PTPRD: variants seen among roughly 807,000 people sequenced by gnomAD.
PTPRD encodes the protein receptor-type tyrosine-protein phosphatase delta.
A neutral mutation model predicts 214.5 loss-of-function variants in PTPRD; 34 were observed. The ratio of observed to expected loss-of-function variants is 0.16; its 90% CI spans 0.12 to 0.21. The LOEUF (loss-of-function observed/expected upper bound fraction) is 0.21, where lower values mean the gene tolerates loss of function less well. PTPRD is among the 10% of genes least tolerant of loss of function. The pLI is 1.00. For synonymous variants in PTPRD, 1,128 were observed against 845.7 expected (o/e 1.33, Z -5.79); for missense variants, 2,545 against 2,398.7 (o/e 1.06, Z -1.27).
chr9:10,152,485 A>T (rs937343048), intron 3 of PTPRD, among the ~76,000 whole-genome samples: 1 of 152,148 alleles, frequency 6.6e-6, no homozygotes, highest in Non-Finnish European at 1.5e-5. Context: ...AACGTCTTTG[A>T]AAAATTTTGC....
At chr9:8,675,699 C>T (rs968628107) in intron 12 of PTPRD, among the ~76,000 whole-genome samples, 2 of 152,090 alleles carry the variant, frequency 1.3e-5, no homozygotes, top group African/African-American at 2.4e-5. Flanking sequence ...CATCATCTCA[C>T]GTCGCCTTCA....
intron 7 of PTPRD, among the ~76,000 whole-genome samples, chr9:9,605,682 G>T (rs2094108804): frequency 6.6e-6 from 1 of 151,986 alleles, no homozygotes; most frequent in Non-Finnish European, 1.5e-5. Context: ...TGGAGTCAGG[G>T]AGAACAATTA....
At chr9:9,485,554 C>T (rs2147312234) in intron 8 of PTPRD, among the ~76,000 whole-genome samples, 1 of 152,232 alleles carries the variant, frequency 6.6e-6, no homozygotes, top group African/African-American at 2.4e-5. Flanking sequence ...CCTTCAACTT[C>T]CTTAGTTGCT....
intron 11 of PTPRD, among the ~76,000 whole-genome samples, chr9:9,002,275 T>G (rs2099426460): frequency 6.6e-6 from 1 of 152,020 alleles, no homozygotes; most frequent in South Asian, 2.1e-4. Context: ...CTTGTAGATC[T>G]TAATATTAAT....
intron 8 of PTPRD, among the ~76,000 whole-genome samples, chr9:9,467,393 C>T (rs2094259865): frequency 6.6e-6 from 1 of 150,526 alleles, no homozygotes; most frequent in Admixed American, 6.6e-5. Flanking sequence ...TTCAAGACCA[C>T]CCTGGTCAAC....
At chr9:8,943,167 G>A (rs1050640112) in intron 11 of PTPRD, among the ~76,000 whole-genome samples, 3 of 152,000 alleles carry the variant, frequency 2.0e-5, no homozygotes, top group South Asian at 4.1e-4. Context: ...CTATGTTCAT[G>A]GATTGAAAGT....
intron 10 of PTPRD, among the ~76,000 whole-genome samples, chr9:9,167,376 AATG>A (rs1192569458): frequency 6.6e-6 from 1 of 151,046 alleles, no homozygotes; most frequent in African/African-American, 2.4e-5. Flanking sequence ...TCGATTTGCT[AATG>A]ATGACAAAAT....
rs201944984 is a variant in PTPRD at position 10,001,313 on chromosome 9, C to G, written c.-472+32405G>C. Among the ~76,000 whole-genome samples, 4 of 152,102 alleles carry G rather than the reference C, an allele frequency of 2.6e-5. No homozygotes were observed. In the East Asian group the frequency reaches 7.8e-4, roughly 29 times the overall value. ...TATCAGCACATATAAAATGAAACTC[C>G]TTGAAGAGGAGAGAAAAAGGGGTCC... is the stretch of plus-strand genomic sequence containing the variant. On this transcript the variant is annotated intron_variant, in intron 4 of 45. Transcript: ENST00000381196.
intron 7 of PTPRD, among the ~76,000 whole-genome samples, chr9:9,595,530 G>T (rs368736627): frequency 1.5e-5 from 2 of 129,314 alleles, no homozygotes; most frequent in Admixed American, 8.6e-5. Context: ...ATATACACAC[G>T]TATGCATATG....
chr9:9,605,754 T>A (rs75108168), intron 7 of PTPRD, among the ~76,000 whole-genome samples: 2,566 of 152,184 alleles, frequency 0.017, 38 homozygotes, highest in Non-Finnish European at 0.025. Flanking sequence ...AAATTTTCAG[T>A]TGTTACAAAT....
At chr9:10,174,970 CTTGAGA>C (rs572470923) in intron 3 of PTPRD, among the ~76,000 whole-genome samples, 74 of 152,120 alleles carry the variant, frequency 4.9e-4, no homozygotes, top group African/African-American at 1.7e-3. Flanking sequence ...AAATAGCTAG[CTTGAGA>C]TTGTCTATTA....
At chr9:10,208,719 A>G (rs1179581265) in intron 3 of PTPRD, among the ~76,000 whole-genome samples, 1 of 152,240 alleles carries the variant, frequency 6.6e-6, no homozygotes. Flanking sequence ...AAGGAATAGA[A>G]AAGAGAAAAT....
intron 2 of PTPRD, among the ~76,000 whole-genome samples, chr9:10,597,543 T>G (rs1199676136): frequency 6.6e-6 from 1 of 151,808 alleles, no homozygotes; most frequent in Non-Finnish European, 1.5e-5. Flanking sequence ...CACTTTAAAA[T>G]AATGCATGAC....
chr9:10,223,889 C>A (rs1450345210), intron 3 of PTPRD, among the ~76,000 whole-genome samples: 2 of 151,502 alleles, frequency 1.3e-5, no homozygotes, highest in African/African-American at 4.8e-5. Context: ...AATCTATACA[C>A]ACTATTCTTC....
chr9:9,293,080 G>A (rs939194164), intron 9 of PTPRD, among the ~76,000 whole-genome samples: 1 of 151,468 alleles, frequency 6.6e-6, no homozygotes, highest in African/African-American at 2.4e-5. Context: ...TTGGAAAGAA[G>A]TTACTGTGCA....
At chr9:9,584,869 G>C (rs1008977957) in intron 7 of PTPRD, among the ~76,000 whole-genome samples, 1 of 151,716 alleles carries the variant, frequency 6.6e-6, no homozygotes. Context: ...TTTTCTTCTT[G>C]TGTGGATGCT....
chr9:10,306,191 A>G (rs1432440265), intron 3 of PTPRD, among the ~76,000 whole-genome samples: 1 of 141,372 alleles, frequency 7.1e-6, no homozygotes, highest in Non-Finnish European at 1.5e-5. Context: ...CAAACACCGC[A>G]TGTTCCCACT....
At chr9:9,457,933 T>C (rs1425675297) in intron 8 of PTPRD, among the ~76,000 whole-genome samples, 1 of 152,064 alleles carries the variant, frequency 6.6e-6, no homozygotes, top group African/African-American at 2.4e-5. Context: ...AACATTGTCA[T>C]GTCTAAAAAT....
intron 11 of PTPRD, among the ~76,000 whole-genome samples, chr9:8,768,696 C>A (rs1323938103): frequency 6.6e-6 from 1 of 152,080 alleles, no homozygotes; most frequent in Non-Finnish European, 1.5e-5. Flanking sequence ...TTATTTTTCC[C>A]ATAAAACTTA....
Sources: gnomAD v4.1 joint callset for allele counts (sites outside exome capture counted in the v4.1 genomes callset) on GRCh38, gnomAD v4.1.1 for gene constraint, MANE v1.5 for transcripts, NCBI Gene and HGNC (gene_info 2026-07-23, HGNC 2026-07-21) for gene names.